The following FBXL7 variants were observed in gnomAD, a reference collection of about 807,000 sequenced individuals.
FBXL7 encodes the protein F-box/LRR-repeat protein 7.
A neutral mutation model predicts 38.3 loss-of-function variants in FBXL7; 12 were observed. The observed-to-expected ratio is 0.31, with a 90% confidence interval of 0.20 to 0.51. The LOEUF (loss-of-function observed/expected upper bound fraction) is 0.51. Ranked by LOEUF, FBXL7 falls within the 20% of genes least tolerant of loss-of-function variation. The pLI, the probability that FBXL7 is intolerant of heterozygous loss-of-function variation, is 0.98. For missense variants in FBXL7, 567 were observed against 676.4 expected, an observed-to-expected ratio of 0.84 and a Z score of 1.79; for synonymous variants, 297 against 300.9, an observed-to-expected ratio of 0.99 and a Z score of 0.13.
At chr5:15,837,963 G>A (rs1304174576) in intron 2 of FBXL7, among the ~76,000 whole-genome samples, 1 of 152,130 alleles carries the variant, frequency 6.6e-6, no homozygotes, top group Admixed American at 6.5e-5. Flanking sequence ...TTTTGTTCAG[G>A]AGCAAAAGAG....
chr5:15,875,841 T>C (rs921072392), intron 2 of FBXL7, among the ~76,000 whole-genome samples: 3 of 152,194 alleles, frequency 2.0e-5, no homozygotes, highest in Non-Finnish European at 4.4e-5. Context: ...GAAGACAGTG[T>C]GGCAATTTCT....
chr5:15,692,567 C>G (rs769675645), intron 2 of FBXL7, among the ~76,000 whole-genome samples: 3 of 152,170 alleles, frequency 2.0e-5, no homozygotes, highest in Admixed American at 1.3e-4. Context: ...AGTAAACTTT[C>G]CTATCCCCTT....
intron 2 of FBXL7, among the ~76,000 whole-genome samples, chr5:15,679,072 A>T (rs73752492): frequency 0.1 from 15,660 of 152,210 alleles, 864 homozygotes; most frequent in South Asian, 0.17. Context: ...ACAGCTGAAA[A>T]TTGCATTGTC....
At chr5:15,553,866 C>T (rs1250643624) in intron 1 of FBXL7, among the ~76,000 whole-genome samples, 2 of 152,196 alleles carry the variant, frequency 1.3e-5, no homozygotes, top group Non-Finnish European at 2.9e-5. Context: ...TTTCCCTCTG[C>T]TCCTGTTCTT....
At chr5:15,644,564 T>C (rs1385934195) in intron 2 of FBXL7, among the ~76,000 whole-genome samples, 1 of 152,116 alleles carries the variant, frequency 6.6e-6, no homozygotes, top group Non-Finnish European at 1.5e-5. Flanking sequence ...GAAGGGGTAC[T>C]TATTCATCAC....
chr5:15,521,835 T>C (rs1737103402), intron 1 of FBXL7, among the ~76,000 whole-genome samples: 1 of 152,236 alleles, frequency 6.6e-6, no homozygotes, highest in African/African-American at 2.4e-5. Context: ...TGCATTTATT[T>C]TCCTCGAATT....
At chr5:15,520,239 G>A (rs1457980799) in intron 1 of FBXL7, among the ~76,000 whole-genome samples, 1 of 152,056 alleles carries the variant, frequency 6.6e-6, no homozygotes, top group Non-Finnish European at 1.5e-5. Flanking sequence ...ATCTTGTGGC[G>A]ACCTCCTGTC....
At chr5:15,587,384 C>T (rs747167485) in intron 1 of FBXL7, among the ~76,000 whole-genome samples, 3 of 152,226 alleles carry the variant, frequency 2.0e-5, no homozygotes, top group African/African-American at 7.2e-5. Flanking sequence ...ACTATGACCC[C>T]TTTATCTAAG....
At position 15,936,793 on chromosome 5, in the gene FBXL7, C is replaced by T. The variant is rs372922519; in HGVS notation, c.1083C>T (p.Gly361=). 763 of 1,612,224 alleles carry T rather than the reference C, an allele frequency of 4.7e-4. 9 individuals are homozygous for T. The South Asian group carries it at 7.8e-3, about 16-fold the overall frequency. Residue 361 remains glycine, a synonymous_variant, in exon 4 of 4, where the codon GGC becomes GGT. Transcript: ENST00000504595. The surrounding 1 kb of genome is among the most constrained non-coding windows in gnomAD (Gnocchi z 6.0). The part of the protein sequence containing the change: ...RLRYLSIAHC[G]RVTDVGIRYV... ...GGTACCTGAGCATCGCGCACTGCGGCCGGGTCACCGACGTGGGCATCCGCT... is the reference window on the plus strand; with the variant it reads ...GGTACCTGAGCATCGCGCACTGCGGTCGGGTCACCGACGTGGGCATCCGCT...
intron 1 of FBXL7, among the ~76,000 whole-genome samples, chr5:15,502,709 A>G (rs969405176): frequency 2.6e-5 from 4 of 152,192 alleles, no homozygotes; most frequent in East Asian, 1.9e-4. Flanking sequence ...CCCCACCTAT[A>G]CTGTGGCTCC....
At chr5:15,658,492 G>A (rs536983504) in intron 2 of FBXL7, among the ~76,000 whole-genome samples, 1 of 152,098 alleles carries the variant, frequency 6.6e-6, no homozygotes, top group Non-Finnish European at 1.5e-5. Flanking sequence ...TTTATAAGGG[G>A]CTTCACCCTT....
intron 2 of FBXL7, among the ~76,000 whole-genome samples, chr5:15,857,287 A>G (rs184504841): frequency 2.6e-5 from 4 of 152,308 alleles, no homozygotes; most frequent in Non-Finnish European, 5.9e-5. Context: ...TAGCAAGCCA[A>G]CACTTCAGAG....
intron 2 of FBXL7, among the ~76,000 whole-genome samples, chr5:15,860,704 G>A (rs1201109304): frequency 6.6e-6 from 1 of 152,012 alleles, no homozygotes; most frequent in Non-Finnish European, 1.5e-5. Flanking sequence ...ACAAATCCAA[G>A]GCTTCTTTAA....
At chr5:15,640,543 T>TG (rs1741328406) in intron 2 of FBXL7, among the ~76,000 whole-genome samples, 1 of 151,648 alleles carries the variant, frequency 6.6e-6, no homozygotes, top group South Asian at 2.1e-4. Context: ...TTTTTTTTTT[T>TG]GAGGGAGTCT....
chr5:15,539,395 G>A (rs1265746627), intron 1 of FBXL7, among the ~76,000 whole-genome samples: 1 of 152,158 alleles, frequency 6.6e-6, no homozygotes, highest in African/African-American at 2.4e-5. Flanking sequence ...TTTCACACAA[G>A]GGCTTTCCAA....
intron 2 of FBXL7, among the ~76,000 whole-genome samples, chr5:15,646,328 G>A (rs1741533389): frequency 6.6e-6 from 1 of 152,228 alleles, no homozygotes; most frequent in Admixed American, 6.5e-5. Flanking sequence ...CTGAGGCAAA[G>A]AGGTTAAGGA....
At position 15,939,089 on chromosome 5, in the gene FBXL7, G is replaced by C. The variant is rs1742276763; in HGVS notation, c.*1903G>C. On this transcript the variant is annotated 3_prime_UTR_variant, in exon 4 of 4. Coordinates refer to ENST00000504595, the MANE Select transcript of FBXL7 (RefSeq NM_012304.5). ...TCTTCTGTGGGGGATGGAGAGGTTA[G>C]TGTGATGAGGTGGTGTCTGCCCAGG... 2.5e-6 allele frequency: 1 copy of C among 398,922 alleles called. No homozygotes were observed. The highest frequency in any genetic ancestry group is 2.1e-5 in the African/African-American group (1 of 48,624). 24.7% of individuals were successfully genotyped at this position (398,922 alleles called of 1,614,324 possible). A position where few individuals can be genotyped will look rare whatever the true frequency, so the allele number is the denominator to read the frequency against.
chr5:15,639,063 T>A (rs1344572824), intron 2 of FBXL7, among the ~76,000 whole-genome samples: 1 of 152,204 alleles, frequency 6.6e-6, no homozygotes, highest in Non-Finnish European at 1.5e-5. Flanking sequence ...ATTTTGGGGA[T>A]CTCTCATGTC....
At chr5:15,604,571 T>C (rs1471098429) in intron 1 of FBXL7, among the ~76,000 whole-genome samples, 1 of 152,148 alleles carries the variant, frequency 6.6e-6, no homozygotes, top group Non-Finnish European at 1.5e-5. Flanking sequence ...GTCAGGCTGA[T>C]CTCAAACTCC....
Sources: gnomAD v4.1 joint callset for allele counts (sites outside exome capture counted in the v4.1 genomes callset) on GRCh38, gnomAD v4.1.1 for gene constraint, Gnocchi (gnomAD v3.1) non-coding constraint, MANE v1.5 for transcripts, NCBI Gene and HGNC (gene_info 2026-07-23, HGNC 2026-07-21) for gene names.